PPP1R12B: variants seen among roughly 807,000 people sequenced by gnomAD.
The protein encoded by PPP1R12B is myosin phosphatase target subunit 2.
Under a neutral mutation model 126.1 loss-of-function variants are expected in PPP1R12B, and 76 were observed. That is an observed-to-expected ratio of 0.60 (90% CI 0.50 to 0.73). The LOEUF is 0.73. PPP1R12B is among the 30% of genes least tolerant of loss of function. PPP1R12B has a pLI of 0.00. For missense variants in PPP1R12B, 1,052 were observed against 1,205.1 expected, an observed-to-expected ratio of 0.87 and a Z score of 1.88; for synonymous variants, 356 against 434.7, an observed-to-expected ratio of 0.82 and a Z score of 2.25.
chr1:202,469,213 C>A (rs77514466), intron 13 of PPP1R12B, among the ~76,000 whole-genome samples: 4 of 152,062 alleles, frequency 2.6e-5, no homozygotes, highest in African/African-American at 7.2e-5. Flanking sequence ...CCTAGAACTT[C>A]GAGAATGGTG....
At chr1:202,452,278 G>C (rs1405806907) in intron 13 of PPP1R12B, among the ~76,000 whole-genome samples, 1 of 152,180 alleles carries the variant, frequency 6.6e-6, no homozygotes, top group African/African-American at 2.4e-5. Context: ...CTGAGTGAAC[G>C]AGACTCCATC....
intron 8 of PPP1R12B, 59 bp downstream of exon 8, chr1:202,431,678 C>T (rs1291841783): frequency 4.0e-6 from 6 of 1,493,070 alleles, no homozygotes; most frequent in Non-Finnish European, 4.5e-6. Context: ...GAAGATTACT[C>T]CTTGTCAGAG....
chr1:202,352,953 A>G (rs1237339257), intron 1 of PPP1R12B, among the ~76,000 whole-genome samples: 1 of 152,100 alleles, frequency 6.6e-6, no homozygotes, highest in Non-Finnish European at 1.5e-5. Context: ...TTGGACCCTC[A>G]AGGTCACACC....
chr1:202,547,373 C>G (rs527575978), intron 18 of PPP1R12B, among the ~76,000 whole-genome samples: 2 of 152,192 alleles, frequency 1.3e-5, no homozygotes, highest in South Asian at 4.1e-4. Flanking sequence ...TGATGGTTAT[C>G]CACAACTGGG....
chr1:202,439,119 A>T, intron 10 of PPP1R12B: 2 of 1,569,722 alleles, frequency 1.3e-6, no homozygotes, highest in Non-Finnish European at 1.8e-6. Flanking sequence ...ACGTTCGAGG[A>T]GGAGGAGCAG....
Position 202,437,918 on chromosome 1 carries a change from T to A in PPP1R12B, c.1352T>A (p.Leu451Gln). Residue 451 changes from leucine to glutamine, a missense_variant, in exon 10 of 24, where the codon CTG (leucine) becomes CAG (glutamine). Leu to Gln is a moderately radical substitution (Grantham distance 113, BLOSUM62 -2). Transcript: ENST00000608999. ...GLRKTGSHNMLSEVANSREPI... is the reference protein window; with the variant it reads ...GLRKTGSHNMQSEVANSREPI... ...AGAAAAACTGGCAGCCACAACATGCTGAGTGAGGTGGCCAATTCCAGGGAA... is the reference window on the plus strand; with the variant it reads ...AGAAAAACTGGCAGCCACAACATGCAGAGTGAGGTGGCCAATTCCAGGGAA... 1 of 1,613,954 alleles carries A rather than the reference T, an allele frequency of 6.2e-7. No homozygotes were observed. The highest frequency in any genetic ancestry group is 8.5e-7 in the Non-Finnish European group (1 of 1,179,830).
intron 13 of PPP1R12B, among the ~76,000 whole-genome samples, chr1:202,488,029 A>G (rs1439369840): frequency 6.6e-6 from 1 of 152,244 alleles, no homozygotes; most frequent in East Asian, 1.9e-4. Flanking sequence ...ACAGTAAGAG[A>G]TTAACAATAA....
intron 18 of PPP1R12B, among the ~76,000 whole-genome samples, chr1:202,551,820 G>T (rs899722394): frequency 6.6e-6 from 1 of 152,138 alleles, no homozygotes; most frequent in Admixed American, 6.5e-5. Context: ...AATCAGAAGG[G>T]CCATGTGAAA....
At chr1:202,517,657 G>C (rs920946313) in intron 18 of PPP1R12B, among the ~76,000 whole-genome samples, 5 of 149,798 alleles carry the variant, frequency 3.3e-5, no homozygotes, top group African/African-American at 1.2e-4. Flanking sequence ...ACAGAGTCTT[G>C]CTCTGCCACC....
At chr1:202,572,143 A>T (rs993707927) in intron 23 of PPP1R12B, among the ~76,000 whole-genome samples, 16 of 152,212 alleles carry the variant, frequency 1.1e-4, no homozygotes, top group African/African-American at 3.9e-4. Flanking sequence ...TGCTAGAGTG[A>T]TTAATAGCTA....
chr1:202,590,485 A>C lies in PPP1R12B; in HGVS notation c.*9925A>C, dbSNP rs1690065162. 1 of 151,694 alleles carries C rather than the reference A, an allele frequency of 6.6e-6. No homozygotes were observed. The allele number at this position is 151,694 out of a possible 1,614,324, so 9.4% of individuals were successfully genotyped here. A position where few individuals can be genotyped will look rare whatever the true frequency, so the allele number is the denominator to read the frequency against. ...ATTCTGGGTTAGAAGCCAGAGCCTC[A>C]GGACCATCTCACCACCCTCACCCAC... is the stretch of plus-strand genomic sequence containing the variant. On this transcript the variant is annotated 3_prime_UTR_variant, in exon 24 of 24. Coordinates refer to ENST00000608999, the MANE Select transcript of PPP1R12B (RefSeq NM_002481.4).
At chr1:202,562,536 A>G (rs1012352889) in intron 19 of PPP1R12B, 27 of 642,108 alleles carry the variant, frequency 4.2e-5, no homozygotes, top group Middle Eastern at 3.0e-4. Flanking sequence ...CCAAACCACT[A>G]ATTTTTCAAT....
chr1:202,503,259 C>T (rs1680426411), intron 18 of PPP1R12B, among the ~76,000 whole-genome samples: 1 of 152,142 alleles, frequency 6.6e-6, no homozygotes, highest in Non-Finnish European at 1.5e-5. Context: ...GGTGAGAAAA[C>T]AGAAGGTCAA....
chr1:202,371,858 C>CTT lies in PPP1R12B; in HGVS notation c.291+22737_291+22738dup, dbSNP rs1193939057. On this transcript the variant is annotated intron_variant, in intron 1 of 23. Coordinates refer to ENST00000608999, the MANE Select transcript of PPP1R12B (RefSeq NM_002481.4). ...GATGCCATTTCCTTCATTATAGTTT[C>CTT]TTTTTTTTTTTTTTTTTTTTTTGGA... 3.9e-3 allele frequency among the ~76,000 whole-genome samples: 295 copies of CTT among 75,334 alleles called. 2 individuals are homozygous for CTT. The highest frequency in any genetic ancestry group is 0.011 in the African/African-American group (225 of 20,778). The allele number at this position is 75,334 out of a possible 152,430, so 49.4% of individuals were successfully genotyped here. A position where few individuals can be genotyped will look rare whatever the true frequency, so the allele number is the denominator to read the frequency against.
At chr1:202,510,714 G>A (rs1323332227) in intron 18 of PPP1R12B, among the ~76,000 whole-genome samples, 8 of 151,824 alleles carry the variant, frequency 5.3e-5, no homozygotes, top group Admixed American at 4.6e-4. Context: ...TTATTGATGA[G>A]CCATTATATG....
At chr1:202,361,524 G>A (rs1658216682) in intron 1 of PPP1R12B, among the ~76,000 whole-genome samples, 2 of 152,150 alleles carry the variant, frequency 1.3e-5, no homozygotes, top group Admixed American at 1.3e-4. Context: ...TTATGAGGGA[G>A]CTGCCCTTGT....
intron 1 of PPP1R12B, among the ~76,000 whole-genome samples, chr1:202,377,218 A>C (rs1030929151): frequency 2.0e-5 from 3 of 152,140 alleles, no homozygotes; most frequent in Non-Finnish European, 4.4e-5. Flanking sequence ...GGTTACTTTC[A>C]ATTGGGAAAG....
At chr1:202,569,003 G>A in intron 22 of PPP1R12B, 144 bp from the exon 23 acceptor site, 1 of 747,902 alleles carries the variant, frequency 1.3e-6, no homozygotes, top group Admixed American at 2.3e-5. Context: ...ATCAGATAGT[G>A]CTCAGATCTC....
chr1:202,461,016 C>T (rs904035181), intron 13 of PPP1R12B, among the ~76,000 whole-genome samples: 2 of 151,898 alleles, frequency 1.3e-5, no homozygotes, highest in Non-Finnish European at 2.9e-5. Context: ...CCCTAGATAA[C>T]TGTGAATGGC....
Sources: gnomAD v4.1 joint callset for allele counts (sites outside exome capture counted in the v4.1 genomes callset) on GRCh38, gnomAD v4.1.1 for gene constraint, MANE v1.5 for transcripts, NCBI Gene and HGNC (gene_info 2026-07-23, HGNC 2026-07-21) for gene names.